The following CDH13 variants were observed in gnomAD, a reference collection of about 807,000 sequenced individuals.
CDH13 encodes cadherin 13.
Under a neutral mutation model 63.8 loss-of-function variants are expected in CDH13, and 24 were observed. That is an observed-to-expected ratio of 0.38 (90% CI 0.27 to 0.53). The LOEUF (loss-of-function observed/expected upper bound fraction) is 0.53, where lower values mean the gene tolerates loss of function less well. Ranked by LOEUF, CDH13 falls within the 20% of genes least tolerant of loss-of-function variation. The pLI, the probability that CDH13 is intolerant of heterozygous loss-of-function variation, is 0.85. For synonymous variants in CDH13, 503 were observed against 355.3 expected (o/e 1.42, Z -4.67); for missense variants, 1,049 against 903.1 (o/e 1.16, Z -2.07).
intron 1 of CDH13, among the ~76,000 whole-genome samples, chr16:82,634,334 G>C (rs1908390155): frequency 6.6e-6 from 1 of 152,226 alleles, no homozygotes; most frequent in African/African-American, 2.4e-5. Context: ...CAGGAAGAAG[G>C]TGGTGGCTGC....
chr16:83,536,819 C>G (rs1432017123), intron 7 of CDH13, among the ~76,000 whole-genome samples: 1 of 152,084 alleles, frequency 6.6e-6, no homozygotes, highest in East Asian at 1.9e-4. Context: ...GAGAGAAAAT[C>G]AACAGCAGCA....
chr16:82,828,848 C>T (rs570931428), intron 1 of CDH13, among the ~76,000 whole-genome samples: 15 of 151,980 alleles, frequency 9.9e-5, no homozygotes, highest in South Asian at 6.2e-4. Flanking sequence ...AGATTATATG[C>T]GAATACTATG....
At chr16:82,792,275 C>T (rs1486812399) in intron 1 of CDH13, among the ~76,000 whole-genome samples, 1 of 152,154 alleles carries the variant, frequency 6.6e-6, no homozygotes, top group Non-Finnish European at 1.5e-5. Context: ...TGGAAGTCAT[C>T]ACTTACTCAT....
intron 1 of CDH13, among the ~76,000 whole-genome samples, chr16:82,847,715 C>T (rs1008564070): frequency 1.3e-5 from 2 of 152,110 alleles, no homozygotes; most frequent in Admixed American, 6.6e-5. Flanking sequence ...ATTCTGTTTG[C>T]GTTATCTCAT....
chr16:83,210,508 C>T (rs1365801156), intron 4 of CDH13, among the ~76,000 whole-genome samples: 1 of 151,992 alleles, frequency 6.6e-6, no homozygotes, highest in Non-Finnish European at 1.5e-5. Flanking sequence ...ACTTAATATT[C>T]ATTTACGTAT....
intron 6 of CDH13, among the ~76,000 whole-genome samples, chr16:83,367,468 T>G (rs1006390399): frequency 6.6e-6 from 1 of 152,254 alleles, no homozygotes; most frequent in Non-Finnish European, 1.5e-5. Flanking sequence ...TTGTGTAAGT[T>G]TCCTGTGGAT....
rs1486275170 is a variant in CDH13 at position 83,799,803 on chromosome 16, G to A, written c.*4773G>A. On this transcript the variant is annotated 3_prime_UTR_variant, in exon 14 of 14. Transcript: ENST00000567109. ...TGTTACCCTTACTATATTTCCTATT[G>A]CTAATAGATTAGCCCACTATTGAAA... 1 of 151,982 alleles carries A rather than the reference G, an allele frequency of 6.6e-6. No homozygotes were observed. Among genetic ancestry groups the A allele is most frequent in the Admixed American group, 6.6e-5 (1 of 15,250 alleles). 9.4% of individuals were successfully genotyped at this position (151,982 alleles called of 1,614,324 possible).
intron 7 of CDH13, among the ~76,000 whole-genome samples, chr16:83,545,245 G>C (rs969656072): frequency 1.3e-5 from 2 of 152,200 alleles, no homozygotes; most frequent in African/African-American, 4.8e-5. Context: ...GACATACCCA[G>C]TGACTAGGAA....
chr16:83,636,344 C>T lies in CDH13; in HGVS notation c.1101+33750C>T, dbSNP rs116868382. Reference sequence around the variant, plus strand: ...ACTTTAGATTGCAGGAATACATGTGCAGGTTTGTTACGAAGGTATATTACA... The same window carrying T: ...ACTTTAGATTGCAGGAATACATGTGTAGGTTTGTTACGAAGGTATATTACA... On this transcript the variant is annotated intron_variant, in intron 8 of 13. Transcript: ENST00000567109. 1.2e-4 allele frequency among the ~76,000 whole-genome samples: 18 copies of T among 152,118 alleles called. No homozygotes were observed. The East Asian group carries it at 3.3e-3, about 28-fold the overall frequency.
At chr16:83,250,620 T>G (rs1255055813) in intron 5 of CDH13, among the ~76,000 whole-genome samples, 2 of 151,868 alleles carry the variant, frequency 1.3e-5, no homozygotes, top group African/African-American at 4.8e-5. Context: ...AACCTTGGAG[T>G]AATCAAGAAA....
At chr16:82,883,171 T>A (rs1222409912) in intron 2 of CDH13, among the ~76,000 whole-genome samples, 1 of 152,194 alleles carries the variant, frequency 6.6e-6, no homozygotes, top group Non-Finnish European at 1.5e-5. Context: ...GGGCTTGAAG[T>A]GCATGCCAGT....
At chr16:82,882,629 C>T (rs1214303820) in intron 2 of CDH13, among the ~76,000 whole-genome samples, 1 of 152,072 alleles carries the variant, frequency 6.6e-6, no homozygotes, top group Non-Finnish European at 1.5e-5. Context: ...TCCTTCCCTC[C>T]CTTCCTATCA....
chr16:83,300,187 G>A (rs1313676250), intron 5 of CDH13, among the ~76,000 whole-genome samples: 2 of 152,210 alleles, frequency 1.3e-5, no homozygotes, highest in African/African-American at 4.8e-5. Context: ...TCATAGAGCT[G>A]ATAGACAGTG....
intron 1 of CDH13, among the ~76,000 whole-genome samples, chr16:82,737,473 C>T (rs74030806): frequency 6.6e-6 from 1 of 152,232 alleles, no homozygotes; most frequent in African/African-American, 2.4e-5. Context: ...TTGAAACGTG[C>T]TCCTTAGTGT....
At chr16:83,081,834 C>G (rs940964945) in intron 3 of CDH13, among the ~76,000 whole-genome samples, 1 of 151,856 alleles carries the variant, frequency 6.6e-6, no homozygotes, top group African/African-American at 2.4e-5. Context: ...GAGTTTGGCT[C>G]TTGTTGTCCA....
At chr16:82,970,603 G>A (rs1908594453) in intron 2 of CDH13, among the ~76,000 whole-genome samples, 1 of 117,390 alleles carries the variant, frequency 8.5e-6, no homozygotes, top group Non-Finnish European at 2.1e-5. Context: ...GTTTCACCTT[G>A]TTAGCCAGGA....
intron 5 of CDH13, among the ~76,000 whole-genome samples, chr16:83,325,179 A>C (rs2090332321): frequency 6.6e-6 from 1 of 152,246 alleles, no homozygotes; most frequent in Admixed American, 6.5e-5. Flanking sequence ...TCATGACTCC[A>C]GATGAGTTTA....
chr16:83,531,538 A>G (rs1567742008), intron 7 of CDH13, among the ~76,000 whole-genome samples: 1 of 152,298 alleles, frequency 6.6e-6, no homozygotes, highest in East Asian at 1.9e-4. Flanking sequence ...CATGTGAGAC[A>G]TGCCTTTCAC....
At chr16:83,422,800 C>G (rs1189816005) in intron 6 of CDH13, among the ~76,000 whole-genome samples, 2 of 152,046 alleles carry the variant, frequency 1.3e-5, no homozygotes, top group Non-Finnish European at 2.9e-5. Context: ...TCCTCATGAG[C>G]CTGTTTTGAT....
Sources: gnomAD v4.1 joint callset for allele counts (sites outside exome capture counted in the v4.1 genomes callset) on GRCh38, gnomAD v4.1.1 for gene constraint, MANE v1.5 for transcripts, NCBI Gene and HGNC (gene_info 2026-07-23, HGNC 2026-07-21) for gene names.